The following PRKCA variants were observed in gnomAD, a reference collection of about 807,000 sequenced individuals.
The protein encoded by PRKCA is protein kinase C alpha.
Under a neutral mutation model 87.0 loss-of-function variants are expected in PRKCA, and 27 were observed. That is an observed-to-expected ratio of 0.31 (90% CI 0.23 to 0.43). The LOEUF (loss-of-function observed/expected upper bound fraction) is 0.43, where lower values mean the gene tolerates loss of function less well. Among genes scored for constraint, PRKCA ranks in the 20% least tolerant of loss-of-function variants. PRKCA has a pLI of 1.00. For missense variants in PRKCA, 518 were observed against 852.3 expected, an observed-to-expected ratio of 0.61 and a Z score of 4.88; for synonymous variants, 329 against 311.1, an observed-to-expected ratio of 1.06 and a Z score of -0.61.
intron 2 of PRKCA, among the ~76,000 whole-genome samples, chr17:66,476,672 G>A (rs1598704606): frequency 6.6e-6 from 1 of 151,824 alleles, no homozygotes; most frequent in African/African-American, 2.4e-5. Context: ...GTAGGCTACA[G>A]TTGCCTGAGG....
At chr17:66,620,286 G>C (rs1040035549) in intron 3 of PRKCA, among the ~76,000 whole-genome samples, 4 of 152,168 alleles carry the variant, frequency 2.6e-5, no homozygotes, top group Non-Finnish European at 1.5e-5. Flanking sequence ...GAAAAATCCA[G>C]TTCCCTCTTT....
At chr17:66,579,987 C>T (rs938713101) in intron 3 of PRKCA, among the ~76,000 whole-genome samples, 1 of 152,150 alleles carries the variant, frequency 6.6e-6, no homozygotes, top group Non-Finnish European at 1.5e-5. Context: ...TCTTTCTCTG[C>T]GCCGGAGATC....
chr17:66,333,035 G>C (rs908155685), intron 2 of PRKCA, among the ~76,000 whole-genome samples: 1 of 152,078 alleles, frequency 6.6e-6, no homozygotes, highest in Admixed American at 6.6e-5. Flanking sequence ...TTAAGAATCT[G>C]GCTATTTTAT....
At chr17:66,628,981 A>G (rs1351305527) in intron 3 of PRKCA, among the ~76,000 whole-genome samples, 3 of 152,240 alleles carry the variant, frequency 2.0e-5, no homozygotes, top group African/African-American at 4.8e-5. Context: ...GTGAGCCAAG[A>G]TTGTGCCATT....
chr17:66,770,785 A>G (rs976348616), intron 13 of PRKCA, among the ~76,000 whole-genome samples: 2 of 152,106 alleles, frequency 1.3e-5, no homozygotes, highest in African/African-American at 4.8e-5. Flanking sequence ...GGAGGGTTGC[A>G]GTGTCAGAGA....
At position 66,706,413 on chromosome 17, in the gene PRKCA, A is replaced by T. The variant is rs564778916; in HGVS notation, c.918+17366A>T. Among the ~76,000 whole-genome samples, 5 of 152,112 alleles carry T rather than the reference A, an allele frequency of 3.3e-5. No individual in the cohort carries two copies. The East Asian group carries it at 9.7e-4, about 29-fold the overall frequency. On this transcript the variant is annotated intron_variant, in intron 8 of 16. Coordinates refer to ENST00000413366, the MANE Select transcript of PRKCA (RefSeq NM_002737.3). ...CACTTTGGGAGGCCGAGGCAGGCAG[A>T]TCGCAAGGTCAGGAGATCGAGACCA...
chr17:66,347,441 C>T (rs1344989737), intron 2 of PRKCA, among the ~76,000 whole-genome samples: 2 of 152,138 alleles, frequency 1.3e-5, no homozygotes, highest in Admixed American at 6.5e-5. Context: ...TGATAGTGGT[C>T]GTTGGCAAGT....
At chr17:66,500,288 G>A (rs1916670209) in intron 3 of PRKCA, among the ~76,000 whole-genome samples, 1 of 152,200 alleles carries the variant, frequency 6.6e-6, no homozygotes, top group Admixed American at 6.5e-5. Flanking sequence ...GGCCTGAGAA[G>A]TGTTGACTGG....
At chr17:66,346,456 G>A (rs901081946) in intron 2 of PRKCA, among the ~76,000 whole-genome samples, 2 of 151,410 alleles carry the variant, frequency 1.3e-5, no homozygotes, top group Non-Finnish European at 2.9e-5. Flanking sequence ...TATATTGCCC[G>A]GGATGGACTT....
At chr17:66,616,163 C>T (rs1357763996) in intron 3 of PRKCA, among the ~76,000 whole-genome samples, 1 of 152,130 alleles carries the variant, frequency 6.6e-6, no homozygotes, top group Non-Finnish European at 1.5e-5. Flanking sequence ...CATTCCTTGC[C>T]AAATGTACAT....
intron 3 of PRKCA, among the ~76,000 whole-genome samples, chr17:66,626,662 G>A (rs983561562): frequency 2.0e-5 from 3 of 151,728 alleles, no homozygotes; most frequent in African/African-American, 7.3e-5. Context: ...GAGCCATCAC[G>A]CCCAGCCTAG....
At chr17:66,373,022 G>A (rs980342808) in intron 2 of PRKCA, among the ~76,000 whole-genome samples, 3 of 152,116 alleles carry the variant, frequency 2.0e-5, no homozygotes, top group Non-Finnish European at 4.4e-5. Context: ...TTGCGCCACT[G>A]CACTCCAGCC....
At chr17:66,463,745 C>T (rs1280245787) in intron 2 of PRKCA, among the ~76,000 whole-genome samples, 2 of 152,074 alleles carry the variant, frequency 1.3e-5, no homozygotes, top group Non-Finnish European at 2.9e-5. Flanking sequence ...GTTTTAGGTT[C>T]CCAGCAAAAC....
intron 2 of PRKCA, among the ~76,000 whole-genome samples, chr17:66,474,877 G>T (rs1288412917): frequency 6.6e-6 from 1 of 152,134 alleles, no homozygotes; most frequent in Non-Finnish European, 1.5e-5. Flanking sequence ...AGTTATGCAG[G>T]ATCTGCAGCA....
intron 3 of PRKCA, among the ~76,000 whole-genome samples, chr17:66,537,169 G>A (rs1340986826): frequency 6.6e-6 from 1 of 152,142 alleles, no homozygotes; most frequent in Non-Finnish European, 1.5e-5. Flanking sequence ...CAGAGGTGGG[G>A]AGGAAAACCA....
chr17:66,426,426 C>G (rs1912811130), intron 2 of PRKCA, among the ~76,000 whole-genome samples: 1 of 152,050 alleles, frequency 6.6e-6, no homozygotes, highest in South Asian at 2.1e-4. Context: ...TATACAGGAG[C>G]AAGATTTCAG....
In PRKCA at chr17:66,786,251, C is replaced by T. The variant is rs1000909063; in HGVS notation, c.1606-616C>T. Among the ~76,000 whole-genome samples, 12 of 152,238 alleles carry T rather than the reference C, an allele frequency of 7.9e-5. No individual in the cohort carries two copies. In the East Asian group the frequency reaches 1.5e-3, roughly 20 times the overall value. ...AAGCCACAAGGTCCCACGGGGCCAC[C>T]GTGCCTTCCTCTCTCAGCCTGGTAA... On this transcript the variant is annotated intron_variant, in intron 14 of 16. Coordinates refer to ENST00000413366, the MANE Select transcript of PRKCA (RefSeq NM_002737.3).
At chr17:66,616,718 C>T (rs1970526637) in intron 3 of PRKCA, among the ~76,000 whole-genome samples, 1 of 152,216 alleles carries the variant, frequency 6.6e-6, no homozygotes, top group African/African-American at 2.4e-5. Flanking sequence ...GCCATTGTCA[C>T]ACTATTAATT....
At chr17:66,698,767 A>C (rs937754934) in intron 8 of PRKCA, among the ~76,000 whole-genome samples, 3 of 151,098 alleles carry the variant, frequency 2.0e-5, no homozygotes, top group African/African-American at 7.3e-5. Flanking sequence ...TGAGGCCAGG[A>C]ATTCGAGACC....
Sources: allele counts gnomAD v4.1 joint callset (sites outside exome capture counted in the v4.1 genomes callset), GRCh38; gene constraint gnomAD v4.1.1; transcripts MANE v1.5; gene names NCBI Gene and HGNC (gene_info 2026-07-23, HGNC 2026-07-21).